The following ABCC12 variants were observed in gnomAD, a reference collection of about 807,000 sequenced individuals.
The protein encoded by ABCC12 is ATP binding cassette subfamily C member 12.
ABCC12 carries 142 observed loss-of-function variants against 151.1 expected under a neutral mutation model. The observed-to-expected ratio is 0.94, with a 90% confidence interval of 0.82 to 1.08. ABCC12 has a LOEUF of 1.08. Ranked by LOEUF, ABCC12 falls within the 50% of genes least tolerant of loss-of-function variation. The probability of loss-of-function intolerance (pLI) is 0.00; values close to 1 mark genes in which losing one functional copy is unlikely to be tolerated. For synonymous variants in ABCC12, 645 were observed against 646.4 expected (o/e 1.00, Z 0.03); for missense variants, 1,638 against 1,691.1 (o/e 0.97, Z 0.55).
chr16:48,086,646 C>T (rs1962615654), intron 28 of ABCC12, 95 bp downstream of exon 28: 4 of 1,067,192 alleles, frequency 3.7e-6, no homozygotes, highest in Admixed American at 1.7e-5. Context: ...TGGCTAAGTG[C>T]TGGCCTAGGT....
chr16:48,107,405 T>C lies in ABCC12; in HGVS notation c.2392A>G (p.Thr798Ala). 6.2e-7 allele frequency: 1 copy of C among 1,613,736 alleles called. No individual in the cohort carries two copies. The highest frequency in any genetic ancestry group is 1.1e-5 in the South Asian group (1 of 91,034). Residue 798 changes from threonine (T) to alanine (A), a missense_variant, in exon 20 of 31, where the codon ACT (threonine) becomes GCT (alanine). Physicochemically the swap from Thr to Ala is moderately conservative, Grantham distance 58. Transcript: ENST00000311303. The stretch of plus-strand genomic sequence containing the variant: ...ATCATCAGGAGGAAGAGGAACACAG[T>C]GAAGAGAGAAAGGAGGTACCCTGCA... Reference protein sequence around the residue: ...ASGGYLLSLFTVFLFLLMIGS... With the variant: ...ASGGYLLSLFAVFLFLLMIGS...
intron 24 of ABCC12, among the ~76,000 whole-genome samples, chr16:48,094,965 A>G (rs984751283): frequency 6.6e-5 from 10 of 152,242 alleles, no homozygotes; most frequent in Admixed American, 6.5e-4. Flanking sequence ...CAATGGCATG[A>G]AAGAGCAAGA....
intron 11 of ABCC12, among the ~76,000 whole-genome samples, chr16:48,127,085 T>C (rs1224594043): frequency 6.6e-6 from 1 of 152,064 alleles, no homozygotes; most frequent in Admixed American, 6.6e-5. Flanking sequence ...CAACTAAATA[T>C]CGTTTCCAAT....
At position 48,100,893 on chromosome 16, in the gene ABCC12, T is replaced by C. The variant is rs1351339357; in HGVS notation, c.3017A>G (p.Lys1006Arg). 1 of 1,614,048 alleles carries C rather than the reference T, an allele frequency of 6.2e-7. No individual in the cohort carries two copies. Among genetic ancestry groups the C allele is most frequent in the African/African-American group, 1.3e-5 (1 of 74,940 alleles). The change falls in exon 23 of 31, where the codon AAG (lysine) becomes AGG (arginine). Residue 1006 changes from lysine to arginine, a missense_variant. Lys to Arg is a conservative substitution (Grantham distance 26). Transcript: ENST00000311303. ...TCACTAGGTGATGCAGCTCTCCTTC[T>C]TGCCATAGGCGTGAATGATGCCCAG... Reference protein sequence around the residue: ...QGLGIIHAYGKKESCITYHLL... With the variant: ...QGLGIIHAYGRKESCITYHLL...
chr16:48,098,662 T>C (rs560668275), intron 23 of ABCC12, among the ~76,000 whole-genome samples: 2 of 152,362 alleles, frequency 1.3e-5, no homozygotes, highest in African/African-American at 2.4e-5. Flanking sequence ...TTAGATTGCA[T>C]AGAAACAAAA....
intron 29 of ABCC12, among the ~76,000 whole-genome samples, chr16:48,084,667 A>G (rs1372701345): frequency 6.6e-6 from 1 of 152,062 alleles, no homozygotes; most frequent in Non-Finnish European, 1.5e-5. Flanking sequence ...GCCCCATATG[A>G]ATATGCTCAG....
intron 25 of ABCC12, among the ~76,000 whole-genome samples, chr16:48,089,041 A>G (rs577476176): frequency 2.0e-5 from 3 of 152,256 alleles, no homozygotes; most frequent in Non-Finnish European, 4.4e-5. Flanking sequence ...CCTATGTGAC[A>G]TTGGACCTGA....
chr16:48,118,287 C>T (rs1256726055), intron 13 of ABCC12, among the ~76,000 whole-genome samples: 4 of 152,194 alleles, frequency 2.6e-5, no homozygotes, highest in Admixed American at 2.0e-4. Context: ...CCTCCTCCCT[C>T]GGTTTTCTCT....
At chr16:48,099,138 A>C (rs1342651362) in intron 23 of ABCC12, among the ~76,000 whole-genome samples, 1 of 152,206 alleles carries the variant, frequency 6.6e-6, no homozygotes, top group African/African-American at 2.4e-5. Flanking sequence ...ATGCAATTCC[A>C]GGCTGGTTGC....
At chr16:48,118,563 G>A (rs554163108) in intron 13 of ABCC12, among the ~76,000 whole-genome samples, 4 of 152,320 alleles carry the variant, frequency 2.6e-5, no homozygotes, top group Admixed American at 1.3e-4. Context: ...TGGCATTATC[G>A]TCATCAGGAC....
At chr16:48,131,296 A>G (rs1964417060) in intron 9 of ABCC12, among the ~76,000 whole-genome samples, 1 of 152,186 alleles carries the variant, frequency 6.6e-6, no homozygotes, top group Non-Finnish European at 1.5e-5. Flanking sequence ...CTTCAGAGGC[A>G]TCTGACCCTT....
At chr16:48,151,227 T>G (rs1215834000) in intron 2 of ABCC12, among the ~76,000 whole-genome samples, 2 of 152,224 alleles carry the variant, frequency 1.3e-5, no homozygotes, top group Admixed American at 6.5e-5. Context: ...ACTTTACCTC[T>G]GAGGTCCTCC....
intron 9 of ABCC12, 55 bp downstream of exon 9, chr16:48,133,632 T>C: frequency 6.3e-7 from 1 of 1,594,690 alleles, no homozygotes; most frequent in Non-Finnish European, 8.6e-7. Context: ...GCTTCCCACC[T>C]GGGACTTGCC....
intron 21 of ABCC12, among the ~76,000 whole-genome samples, chr16:48,104,742 C>T (rs2150605714): frequency 6.6e-6 from 1 of 152,332 alleles, no homozygotes; most frequent in South Asian, 2.1e-4. Context: ...GTGGGCCCCA[C>T]CCACATGCTC....
intron 10 of ABCC12, among the ~76,000 whole-genome samples, chr16:48,130,209 A>G (rs748097380): frequency 1.3e-5 from 2 of 152,194 alleles, no homozygotes; most frequent in Non-Finnish European, 2.9e-5. Flanking sequence ...CCCTTCTCAA[A>G]TGTCAATTAT....
intron 8 of ABCC12, among the ~76,000 whole-genome samples, chr16:48,134,649 A>T (rs1355573515): frequency 6.6e-6 from 1 of 151,944 alleles, no homozygotes; most frequent in Non-Finnish European, 1.5e-5. Flanking sequence ...CGGATCCAAC[A>T]CTCTTTTCTG....
intron 15 of ABCC12, 130 bp downstream of exon 15, chr16:48,115,285 G>T: frequency 9.2e-7 from 1 of 1,090,920 alleles, no homozygotes; most frequent in Non-Finnish European, 1.3e-6. Flanking sequence ...AGTGTCTCTT[G>T]CATCCCTGGC....
At chr16:48,141,469 G>T in intron 4 of ABCC12, 116 bp from the exon 5 acceptor site, 1 of 1,377,846 alleles carries the variant, frequency 7.3e-7, no homozygotes. Flanking sequence ...CCCTGGCAGT[G>T]GTGCCTTCCA....
In ABCC12 at chr16:48,088,038, TG is replaced by T; in HGVS notation, c.3522del (p.Ser1175ValfsTer23). On this transcript the variant is annotated frameshift_variant, in exon 27 of 31. Transcript: ENST00000311303. LOFTEE classifies it high-confidence loss of function. ...ACCTCATCAATAAAGATTGTGCCAC[TG>T]GCTGGCTCCACCAGACGAAACAAAG... ...GMALFRLVEP[A>X]SGTIFIDEVD... 6.2e-7 allele frequency: 1 copy of T among 1,614,252 alleles called. No homozygotes were observed. The highest frequency in any genetic ancestry group is 8.5e-7 in the Non-Finnish European group (1 of 1,180,030).
Sources: allele counts gnomAD v4.1 joint callset (sites outside exome capture counted in the v4.1 genomes callset), GRCh38; gene constraint gnomAD v4.1.1; transcripts MANE v1.5; gene names NCBI Gene and HGNC (gene_info 2026-07-23, HGNC 2026-07-21).